The following NAALADL2 variants were observed in gnomAD, a reference collection of about 807,000 sequenced individuals.
NAALADL2 encodes inactive N-acetylated-alpha-linked acidic dipeptidase-like protein 2.
In NAALADL2, 76 loss-of-function variants were observed where a neutral mutation model predicts 87.2. That is an observed-to-expected ratio of 0.87 (90% CI 0.72 to 1.05). The LOEUF is 1.05. Ranked by LOEUF, NAALADL2 falls within the 50% of genes least tolerant of loss-of-function variation. The pLI is 0.00. For missense variants in NAALADL2, 1,089 were observed against 945.8 expected (o/e 1.15, Z -1.99); for synonymous variants, 354 against 331.0 (o/e 1.07, Z -0.75).
At chr3:175,155,376 A>T (rs4894696) in intron 2 of NAALADL2, among the ~76,000 whole-genome samples, 44,848 of 152,002 alleles carry the variant, frequency 0.3, 6,905 homozygotes, top group South Asian at 0.35. Flanking sequence ...TTTGCCTAAA[A>T]GTTGGCACCG....
intron 10 of NAALADL2, among the ~76,000 whole-genome samples, chr3:175,618,922 C>G (rs534371865): frequency 6.6e-6 from 1 of 152,118 alleles, no homozygotes; most frequent in Non-Finnish European, 1.5e-5. Context: ...GTGGGAAGAC[C>G]GAGTCAGAAG....
chr3:174,978,135 C>A (rs1744612400), intron 1 of NAALADL2, among the ~76,000 whole-genome samples: 2 of 152,146 alleles, frequency 1.3e-5, no homozygotes, highest in African/African-American at 4.8e-5. Flanking sequence ...GGTGGGGAGT[C>A]AAGATTCTAA....
chr3:175,366,893 G>C (rs1323182166), intron 5 of NAALADL2, among the ~76,000 whole-genome samples: 1 of 151,768 alleles, frequency 6.6e-6, no homozygotes, highest in Non-Finnish European at 1.5e-5. Context: ...TTTGTCTTTT[G>C]TTGCCATTGC....
chr3:175,620,837 G>A (rs1454499520), intron 10 of NAALADL2, among the ~76,000 whole-genome samples: 1 of 152,172 alleles, frequency 6.6e-6, no homozygotes, highest in African/African-American at 2.4e-5. Flanking sequence ...GCGGACACAG[G>A]ATAGCAAATA....
intron 1 of NAALADL2, among the ~76,000 whole-genome samples, chr3:174,538,085 A>G (rs1223232716): frequency 6.6e-6 from 1 of 152,202 alleles, no homozygotes; most frequent in Non-Finnish European, 1.5e-5. Flanking sequence ...AGGTTGCCCC[A>G]GCAGAGGCTC....
At chr3:174,951,827 C>T (rs940359541) in intron 1 of NAALADL2, among the ~76,000 whole-genome samples, 26 of 152,078 alleles carry the variant, frequency 1.7e-4, no homozygotes, top group Admixed American at 6.6e-4. Context: ...CATAATTTCT[C>T]TTTCCTTAAA....
chr3:175,531,099 C>T (rs767591158), intron 9 of NAALADL2, among the ~76,000 whole-genome samples: 3 of 152,110 alleles, frequency 2.0e-5, no homozygotes, highest in South Asian at 2.1e-4. Flanking sequence ...GGTCATGTGG[C>T]CCGAGTGACT....
upstream of NAALADL2, among the ~76,000 whole-genome samples, chr3:174,854,590 A>G (rs1725637678): frequency 6.6e-6 from 1 of 152,148 alleles, no homozygotes; most frequent in Non-Finnish European, 1.5e-5. Context: ...TATCCCAATT[A>G]TGCTAATATC....
chr3:175,148,440 TTTAA>T (rs1354901394), intron 2 of NAALADL2, among the ~76,000 whole-genome samples: 3 of 152,132 alleles, frequency 2.0e-5, no homozygotes, highest in Non-Finnish European at 2.9e-5. Flanking sequence ...AGCTCTTTAG[TTTAA>T]TTAGGTCAAT....
At position 175,780,137 on chromosome 3, in the gene NAALADL2, G is replaced by A. The variant is rs1474091149; in HGVS notation, c.2190-22868G>A. On this transcript the variant is annotated intron_variant, in intron 13 of 13. Coordinates refer to ENST00000454872, the MANE Select transcript of NAALADL2 (RefSeq NM_207015.3). The stretch of plus-strand genomic sequence containing the variant: ...CAAAAAAAAAAAAAATTAGCCGGGC[G>A]TGGTGGTGGGCACCTGTAGTCCCAG... 4.6e-5 allele frequency among the ~76,000 whole-genome samples: 7 copies of A among 151,618 alleles called. No homozygotes were observed. In the East Asian group the frequency reaches 5.8e-4, roughly 13 times the overall value.
chr3:175,186,454 C>T (rs551490325), intron 2 of NAALADL2, among the ~76,000 whole-genome samples: 21 of 152,130 alleles, frequency 1.4e-4, no homozygotes, highest in African/African-American at 5.1e-4. Context: ...AAATATAAAA[C>T]ATCTAATTTT....
At chr3:175,447,443 A>C in intron 6 of NAALADL2, 71 bp downstream of exon 6, 2 of 1,047,926 alleles carry the variant, frequency 1.9e-6, no homozygotes, top group Non-Finnish European at 2.7e-6. Context: ...TAATCTCCTA[A>C]ATTGATGTAT....
intron 1 of NAALADL2, among the ~76,000 whole-genome samples, chr3:174,996,339 T>A (rs1560456079): frequency 1.3e-5 from 2 of 151,246 alleles, no homozygotes; most frequent in African/African-American, 4.9e-5. Flanking sequence ...CTGCTAAAAA[T>A]AAAAAAAATT....
intron 6 of NAALADL2, among the ~76,000 whole-genome samples, chr3:175,456,123 TGTTA>T (rs1208757102): frequency 6.6e-6 from 1 of 152,046 alleles, no homozygotes; most frequent in Non-Finnish European, 1.5e-5. Context: ...AATGAAGCTT[TGTTA>T]GTTATCACGG....
intron 2 of NAALADL2, among the ~76,000 whole-genome samples, chr3:174,675,816 A>T (rs897227432): frequency 6.6e-6 from 1 of 152,070 alleles, no homozygotes; most frequent in African/African-American, 2.4e-5. Flanking sequence ...TGTTTTCAGC[A>T]ATTTATTGAG....
chr3:175,548,672 A>G (rs1044331673), intron 9 of NAALADL2, among the ~76,000 whole-genome samples: 3 of 152,040 alleles, frequency 2.0e-5, no homozygotes, highest in African/African-American at 7.2e-5. Flanking sequence ...GACTGCCTTT[A>G]TCCCTATGAA....
chr3:174,641,860 G>C (rs1355736868), intron 2 of NAALADL2, among the ~76,000 whole-genome samples: 2 of 152,146 alleles, frequency 1.3e-5, no homozygotes, highest in Non-Finnish European at 2.9e-5. Context: ...GGGCTCAAGT[G>C]ATCCTCCCAC....
At chr3:175,539,108 C>T (rs1369356107) in intron 9 of NAALADL2, among the ~76,000 whole-genome samples, 1 of 152,098 alleles carries the variant, frequency 6.6e-6, no homozygotes, top group Non-Finnish European at 1.5e-5. Context: ...GGAGAGATCC[C>T]TAAGTGGGAA....
At chr3:175,751,633 A>G (rs1218463968) in intron 12 of NAALADL2, among the ~76,000 whole-genome samples, 1 of 152,102 alleles carries the variant, frequency 6.6e-6, no homozygotes, top group African/African-American at 2.4e-5. Context: ...CCATACTGTA[A>G]TCTATCTTTT....
Sources: allele counts gnomAD v4.1 joint callset (sites outside exome capture counted in the v4.1 genomes callset), GRCh38; gene constraint gnomAD v4.1.1; transcripts MANE v1.5; gene names NCBI Gene and HGNC (gene_info 2026-07-23, HGNC 2026-07-21).